The following RIN2 variants were observed in gnomAD, a reference collection of about 807,000 sequenced individuals.
RIN2 encodes Ras and Rab interactor 2.
RIN2 carries 36 observed loss-of-function variants against 78.0 expected under a neutral mutation model. The observed-to-expected ratio is 0.46, with a 90% CI of 0.35 to 0.61. The LOEUF (loss-of-function observed/expected upper bound fraction) is 0.61, where lower values mean the gene tolerates loss of function less well. Ranked by LOEUF, RIN2 falls within the 20% of genes least tolerant of loss-of-function variation. The pLI is 0.00. For missense variants in RIN2, 1,087 were observed against 1,159.7 expected, an observed-to-expected ratio of 0.94 and a Z score of 0.91; for synonymous variants, 466 against 466.8, an observed-to-expected ratio of 1.00 and a Z score of 0.02.
chr20:19,879,110 T>C (rs1223775514), intron 2 of RIN2, among the ~76,000 whole-genome samples: 1 of 152,224 alleles, frequency 6.6e-6, no homozygotes, highest in Non-Finnish European at 1.5e-5. Context: ...ACTGGATTTG[T>C]GAAATATCCT....
intron 2 of RIN2, among the ~76,000 whole-genome samples, chr20:19,821,776 C>T (rs909501310): frequency 2.0e-5 from 3 of 152,314 alleles, no homozygotes; most frequent in East Asian, 3.9e-4. Context: ...AGAACTTGCA[C>T]TTTCCGTTTT....
intron 3 of RIN2, chr20:19,934,482 T>TG: frequency 1.0e-6 from 1 of 985,294 alleles, no homozygotes; most frequent in Non-Finnish European, 1.2e-6. Flanking sequence ...TAGATGGCCC[T>TG]GGGGCCCACT....
intron 3 of RIN2, among the ~76,000 whole-genome samples, chr20:19,926,533 T>C (rs1222997133): frequency 6.6e-6 from 1 of 151,850 alleles, no homozygotes; most frequent in Non-Finnish European, 1.5e-5. Context: ...ACATGAGAGG[T>C]ACCCACCACA....
At chr20:19,817,174 A>G (rs1000096177) in intron 2 of RIN2, among the ~76,000 whole-genome samples, 1 of 152,190 alleles carries the variant, frequency 6.6e-6, no homozygotes, top group African/African-American at 2.4e-5. Context: ...GTAAATACCA[A>G]CTGGGTTGGT....
intron 1 of RIN2, among the ~76,000 whole-genome samples, chr20:19,796,665 C>T (rs2035064460): frequency 6.6e-6 from 1 of 152,134 alleles, no homozygotes; most frequent in African/African-American, 2.4e-5. Flanking sequence ...TGGAATCACG[C>T]AGGGAGCTTC....
intron 1 of RIN2, among the ~76,000 whole-genome samples, chr20:19,788,074 G>A (rs2034742531): frequency 6.6e-6 from 1 of 152,134 alleles, no homozygotes; most frequent in Admixed American, 6.5e-5. Context: ...AAACTACCAT[G>A]GAAAGGTAAC....
chr20:19,758,857 T>G (rs2033500438), intron 1 of RIN2, among the ~76,000 whole-genome samples: 1 of 152,218 alleles, frequency 6.6e-6, no homozygotes, highest in Admixed American at 6.5e-5. Flanking sequence ...CCAGCCAGTG[T>G]GCAGGGCAGA....
rs372267641 is a variant in RIN2, at chr20:19,794,903, A to C, written c.-162-4719A>C. The stretch of plus-strand genomic sequence containing the variant: ...TAAATTTGGCTTTCCTCCATAGAAA[A>C]ATTAAATTAAAATTTAAGACAATTT... On this transcript the variant is annotated intron_variant, in intron 1 of 12. Coordinates refer to ENST00000255006, the MANE Select transcript of RIN2 (RefSeq NM_018993.4). Among the ~76,000 whole-genome samples the C allele has an allele frequency of 5.1e-4, 77 of 152,312 alleles. 1 individual carries two copies. The highest frequency in any genetic ancestry group is 3.4e-3 in the Middle Eastern group (1 of 294).
intron 2 of RIN2, among the ~76,000 whole-genome samples, chr20:19,870,800 A>G (rs926540857): frequency 4.6e-5 from 7 of 151,730 alleles, no homozygotes; most frequent in Admixed American, 3.3e-4. Context: ...CCACATACAC[A>G]CTCTCTGTTG....
intron 4 of RIN2, among the ~76,000 whole-genome samples, chr20:19,948,057 A>C (rs756108300): frequency 2.0e-5 from 3 of 152,206 alleles, no homozygotes; most frequent in Non-Finnish European, 2.9e-5. Flanking sequence ...CAGTCATCCC[A>C]GTGTCTCCAG....
chr20:19,936,652 G>T (rs1436240962), intron 4 of RIN2, among the ~76,000 whole-genome samples: 1 of 152,184 alleles, frequency 6.6e-6, no homozygotes, highest in African/African-American at 2.4e-5. Flanking sequence ...GAACATGTGA[G>T]GGGCCCTCAA....
rs185509923 is a variant in RIN2 at position 19,975,851 on chromosome 20, G to T, written c.1762+64G>T. 4 of 1,439,150 alleles carry T rather than the reference G, an allele frequency of 2.8e-6. No homozygotes were observed. The African/African-American group carries it at 5.6e-5, about 20-fold the overall frequency. The allele number at this position is 1,439,150 out of a possible 1,614,324, so 89.1% of individuals were successfully genotyped here. Reference sequence around the variant, plus strand: ...ACTCTGTCCGGGCAGTGCAACCTATGTTTGTTATTTTTTATGAAGTTTACT... The same window carrying T: ...ACTCTGTCCGGGCAGTGCAACCTATTTTTGTTATTTTTTATGAAGTTTACT... On this transcript the variant is annotated intron_variant, in intron 9 of 12. Coordinates refer to ENST00000255006, the MANE Select transcript of RIN2 (RefSeq NM_018993.4). This position sits in a 1 kb window ranked among gnomAD's most constrained non-coding sequence, Gnocchi z 4.9.
intron 1 of RIN2, among the ~76,000 whole-genome samples, chr20:19,773,785 G>A (rs1449686981): frequency 6.6e-6 from 1 of 151,936 alleles, no homozygotes; most frequent in African/African-American, 2.4e-5. Context: ...TTTGGGAGAT[G>A]TGCGGTACAA....
chr20:19,998,357 G>C (rs1031632477), intron 12 of RIN2, among the ~76,000 whole-genome samples: 1 of 152,030 alleles, frequency 6.6e-6, no homozygotes, highest in African/African-American at 2.4e-5. Flanking sequence ...CAGCACCTTA[G>C]AGGCTAAGGC....
intron 2 of RIN2, among the ~76,000 whole-genome samples, chr20:19,807,238 G>A (rs554698652): frequency 6.6e-6 from 1 of 152,322 alleles, no homozygotes; most frequent in East Asian, 1.9e-4. Flanking sequence ...TAAGTCAAGA[G>A]GCAGAGAAAT....
At chr20:19,786,542 G>C (rs999535255) in intron 1 of RIN2, among the ~76,000 whole-genome samples, 1 of 152,130 alleles carries the variant, frequency 6.6e-6, no homozygotes, top group African/African-American at 2.4e-5. Flanking sequence ...CCACATTTGA[G>C]ACTCTGAGCC....
chr20:19,962,784 C>T, intron 6 of RIN2, among the ~76,000 whole-genome samples: 1 of 152,144 alleles, frequency 6.6e-6, no homozygotes. Context: ...TGGTGAAACC[C>T]CGTCTCTACT....
At chr20:19,912,569 C>G (rs2123737142) in intron 3 of RIN2, among the ~76,000 whole-genome samples, 1 of 148,654 alleles carries the variant, frequency 6.7e-6, no homozygotes, top group African/African-American at 2.5e-5. Context: ...ACTTCCGCCT[C>G]CGGAGTTCAA....
intron 6 of RIN2, 105 bp from the exon 7 acceptor site, chr20:19,964,847 T>C (rs1301962184): frequency 5.4e-6 from 5 of 928,236 alleles, no homozygotes; most frequent in African/African-American, 1.6e-5. Context: ...CACGGTAGTT[T>C]GTTTGAGAGT....
Sources: gnomAD v4.1 joint callset for allele counts (sites outside exome capture counted in the v4.1 genomes callset) on GRCh38, gnomAD v4.1.1 for gene constraint, Gnocchi (gnomAD v3.1) non-coding constraint, MANE v1.5 for transcripts, NCBI Gene and HGNC (gene_info 2026-07-23, HGNC 2026-07-21) for gene names.